The following RASSF1 variants were observed in gnomAD, a reference collection of about 807,000 sequenced individuals.
RASSF1 encodes ras association domain-containing protein 1.
In RASSF1, 33 loss-of-function variants were observed where a neutral mutation model predicts 34.3. The ratio of observed to expected loss-of-function variants is 0.96; its 90% CI spans 0.73 to 1.29. The LOEUF (loss-of-function observed/expected upper bound fraction) is 1.29, where lower values mean the gene tolerates loss of function less well. Among genes scored for constraint, RASSF1 ranks in the 50% most tolerant of loss-of-function variants. RASSF1 has a pLI of 0.00. For synonymous variants in RASSF1, 191 were observed against 195.0 expected (o/e 0.98, Z 0.17); for missense variants, 445 against 471.8 (o/e 0.94, Z 0.53).
intron 2 of RASSF1, among the ~76,000 whole-genome samples, chr3:50,334,036 A>G (rs1393572265): frequency 6.6e-6 from 1 of 152,234 alleles, no homozygotes; most frequent in East Asian, 1.9e-4. Context: ...GGTTTCCTGT[A>G]GAATGATCTT....
chr3:50,331,416 G>T lies in RASSF1; in HGVS notation c.794C>A (p.Pro265His). 6.2e-7 allele frequency: 1 copy of T among 1,603,856 alleles called. No individual in the cohort carries two copies. Among genetic ancestry groups the T allele is most frequent in the Non-Finnish European group, 8.5e-7 (1 of 1,173,568 alleles). Residue 265 changes from proline to histidine, a missense_variant, in exon 5 of 6, where the codon CCC (proline) becomes CAC (histidine). By Grantham distance (77) the Pro-to-His change is moderately conservative. Transcript: ENST00000359365. ...YLRKLLDDEQ[P>H]LRLRLLAGPS... Reference sequence around the variant, plus strand: ...CCCTGCCAGGAGCCGCAGCCGCAGGGGCTGCTCATCATCCAACAGCTTCCG... The same window carrying T: ...CCCTGCCAGGAGCCGCAGCCGCAGGTGCTGCTCATCATCCAACAGCTTCCG...
intron 2 of RASSF1, 57 bp downstream of exon 2, chr3:50,337,848 C>T (rs1163262059): frequency 2.4e-5 from 35 of 1,464,314 alleles, no homozygotes; most frequent in Non-Finnish European, 2.3e-5. Flanking sequence ...TCGAGAATGC[C>T]TGCACTGTGG....
At chr3:50,332,216 G>T in intron 2 of RASSF1, 62 bp from the exon 3 acceptor site, 1 of 1,444,406 alleles carries the variant, frequency 6.9e-7, no homozygotes, top group Non-Finnish European at 9.7e-7. Flanking sequence ...TCTGAAAAAT[G>T]GCCTCTGGGG....
chr3:50,340,555 C>T lies in RASSF1; in HGVS notation c.250+1G>A. 1.3e-6 allele frequency: 2 copies of T among 1,521,250 alleles called. No homozygotes were observed. Among genetic ancestry groups the T allele is most frequent in the Non-Finnish European group, 1.7e-6 (2 of 1,145,084 alleles). The allele number at this position is 1,521,250 out of a possible 1,614,324, so 94.2% of individuals were successfully genotyped here. A position where few individuals can be genotyped will look rare whatever the true frequency, so the allele number is the denominator to read the frequency against. Reference sequence around the variant, plus strand: ...CGTAGGCGCGCGGGGCCACTACTCACGCGCGCACTGCAGGCCTTTGCGCAC... The same window carrying T: ...CGTAGGCGCGCGGGGCCACTACTCATGCGCGCACTGCAGGCCTTTGCGCAC... On this transcript the variant is annotated splice_donor_variant, in intron 1 of 5. Coordinates refer to ENST00000359365, the MANE Select transcript of RASSF1 (RefSeq NM_007182.5). LOFTEE classifies it high-confidence loss of function.
At position 50,331,583 on chromosome 3, in the gene RASSF1, C is replaced by T. The variant is rs371996642; in HGVS notation, c.736G>A (p.Glu246Lys). The T allele has an allele frequency of 3.8e-5, 61 of 1,598,202 alleles. No homozygotes were observed. The highest frequency in any genetic ancestry group is 5.0e-5 in the Non-Finnish European group (58 of 1,167,082). ...CCTTGGCCGTGACGCTCAGCGCGCT[C>T]AAAGAGTGCAAACTTGCGGGGGTCA... ...VDDPRKFALF[E>K]RAERHGQVYL... Residue 246 changes from glutamate (E) to lysine (K), a missense_variant, in exon 4 of 6, where the codon GAG becomes AAG. Transcript: ENST00000359365.
chr3:50,330,415 G>A lies in RASSF1; in HGVS notation c.*166C>T. The A allele has an allele frequency of 1.0e-6, 1 of 953,828 alleles. No homozygotes were observed. Among genetic ancestry groups the A allele is most frequent in the East Asian group, 2.6e-5 (1 of 38,034 alleles). The allele number at this position is 953,828 out of a possible 1,614,324, so 59.1% of individuals were successfully genotyped here. ...AGAGCCATACCTGGCTACACCCACA[G>A]GTGGACACAGGGAGCAAGCTACTTC... is the stretch of plus-strand genomic sequence containing the variant. On this transcript the variant is annotated 3_prime_UTR_variant, in exon 6 of 6. Transcript: ENST00000359365. This position sits in a 1 kb window ranked among gnomAD's most constrained non-coding sequence, Gnocchi z 4.5.
intron 2 of RASSF1, chr3:50,337,648 G>A: frequency 1.1e-6 from 1 of 915,318 alleles, no homozygotes; most frequent in Non-Finnish European, 1.6e-6. Flanking sequence ...AGGCGAGGGC[G>A]GGAAGGTGCG....
rs1326660907 is a variant in RASSF1, at chr3:50,331,359, T to C, written c.851A>G (p.Lys284Arg). 2 of 1,601,616 alleles carry C rather than the reference T, an allele frequency of 1.2e-6. No homozygotes were observed. Among genetic ancestry groups the C allele is most frequent in the African/African-American group, 1.3e-5 (1 of 74,468 alleles). ...GTTCACCTCCCCAGAGTCATTTTCC[T>C]TCAGGACAAAGCTCAGGGCCTTGTC... ...PSDKALSFVL[K>R]ENDSGEVNWD... The change falls in exon 5 of 6, where the codon AAG becomes AGG. Residue 284 changes from lysine (K) to arginine (R), a missense_variant. Lys to Arg is a conservative substitution (Grantham distance 26, BLOSUM62 2). Coordinates refer to ENST00000359365, the MANE Select transcript of RASSF1 (RefSeq NM_007182.5).
At chr3:50,337,386 G>A in intron 2 of RASSF1, 27 of 1,594,822 alleles carry the variant, frequency 1.7e-5, no homozygotes, top group Non-Finnish European at 2.3e-5. Context: ...GGTCGCGTGC[G>A]TGCGTGTACG....
chr3:50,337,671 G>T, intron 2 of RASSF1: 2 of 887,800 alleles, frequency 2.3e-6, no homozygotes, highest in Non-Finnish European at 1.7e-6. Flanking sequence ...AAGTGCGCGT[G>T]CGCGGAGCCT....
At position 50,331,987 on chromosome 3, in the gene RASSF1, G is replaced by A. The variant is rs369111413; in HGVS notation, c.462+63C>T. On this transcript the variant is annotated intron_variant, in intron 3 of 5. Coordinates refer to ENST00000359365, the MANE Select transcript of RASSF1 (RefSeq NM_007182.5). Reference sequence around the variant, plus strand: ...GATAACCTCAGTTGTGACCCTCTGAGTATCAGGCACATAGCTGGGTACCTG... The same window carrying A: ...GATAACCTCAGTTGTGACCCTCTGAATATCAGGCACATAGCTGGGTACCTG... The A allele has an allele frequency of 4.8e-5, 77 of 1,589,054 alleles. No homozygotes were observed. The African/African-American group carries it at 9.4e-4, about 19-fold the overall frequency.
chr3:50,337,846 G>T, intron 2 of RASSF1, 59 bp downstream of exon 2: 5 of 1,449,050 alleles, frequency 3.5e-6, no homozygotes, highest in African/African-American at 1.4e-5. Flanking sequence ...CCTCGAGAAT[G>T]CCTGCACTGT....
intron 2 of RASSF1, chr3:50,337,565 G>A (rs1182425696): frequency 1.4e-6 from 2 of 1,419,020 alleles, no homozygotes; most frequent in African/African-American, 1.4e-5. Context: ...TCCACTCACA[G>A]ACCCCACCTA....
intron 5 of RASSF1, 86 bp downstream of exon 5, chr3:50,331,248 C>A: frequency 9.2e-7 from 1 of 1,092,682 alleles, no homozygotes. Context: ...TGTCTTCCAG[C>A]ACAATTCCTC....
At chr3:50,335,265 TC>T (rs1386318115) in intron 2 of RASSF1, among the ~76,000 whole-genome samples, 6 of 151,788 alleles carry the variant, frequency 4.0e-5, no homozygotes, top group Non-Finnish European at 7.4e-5. Flanking sequence ...GATGTTTTTT[TC>T]TTTTTTTTTA....
intron 2 of RASSF1, among the ~76,000 whole-genome samples, chr3:50,335,894 C>A (rs587603906): frequency 7.2e-5 from 11 of 152,128 alleles, no homozygotes; most frequent in South Asian, 2.1e-4. Context: ...GTGTGAGCCA[C>A]CGTACTTGGC....
intron 2 of RASSF1, chr3:50,337,504 G>C (rs868792190): frequency 6.5e-7 from 1 of 1,530,886 alleles, no homozygotes; most frequent in East Asian, 2.5e-5. Flanking sequence ...GGAACGCCGG[G>C]GCGGGGACAC....
chr3:50,338,190 A>G (rs1420805629), intron 1 of RASSF1, 179 bp from the exon 2 acceptor site: 2 of 1,414,218 alleles, frequency 1.4e-6, no homozygotes, highest in African/African-American at 2.9e-5. Context: ...GGCGTCTGGA[A>G]ACCGGCCGGA....
chr3:50,340,436 C>A, intron 1 of RASSF1, 120 bp downstream of exon 1: 1 of 1,291,182 alleles, frequency 7.7e-7, no homozygotes. Flanking sequence ...GCGAAAGTAA[C>A]GGACCTAGTC....
Sources: allele counts gnomAD v4.1 joint callset (sites outside exome capture counted in the v4.1 genomes callset), GRCh38; gene constraint gnomAD v4.1.1; non-coding constraint Gnocchi (gnomAD v3.1); transcripts MANE v1.5; gene names NCBI Gene and HGNC (gene_info 2026-07-23, HGNC 2026-07-21).